SETBP1: variants seen among roughly 807,000 people sequenced by gnomAD.
SETBP1 encodes the protein SET binding protein 1.
In SETBP1, 9 loss-of-function variants were observed where a neutral mutation model predicts 101.0. The observed-to-expected ratio is 0.09, with a 90% CI of 0.05 to 0.16. The LOEUF is 0.16. Among genes scored for constraint, SETBP1 ranks in the 10% least tolerant of loss-of-function variants. The pLI is 1.00. For missense variants in SETBP1, 1,858 were observed against 2,033.8 expected, an observed-to-expected ratio of 0.91 and a Z score of 1.66; for synonymous variants, 818 against 788.5, an observed-to-expected ratio of 1.04 and a Z score of -0.63.
In SETBP1 at chr18:45,063,981, C is replaced by G; in HGVS notation, c.*283C>G. 5.9e-6 allele frequency: 2 copies of G among 339,750 alleles called. No homozygotes were observed. Among genetic ancestry groups the G allele is most frequent in the East Asian group, 6.1e-5 (1 of 16,430 alleles). The allele number at this position is 339,750 out of a possible 1,614,324, so 21.0% of individuals were successfully genotyped here. A position where few individuals can be genotyped will look rare whatever the true frequency, so the allele number is the denominator to read the frequency against. ...TCCTCCGCAGGCGAGCGGAAGGCCC[C>G]CAGGAGGAGCAGGCTGGTGGCACTC... On this transcript the variant is annotated 3_prime_UTR_variant, in exon 6 of 6. Coordinates refer to ENST00000649279, the MANE Select transcript of SETBP1 (RefSeq NM_015559.3).
At chr18:44,709,740 G>C (rs1426288927) in intron 2 of SETBP1, among the ~76,000 whole-genome samples, 2 of 152,012 alleles carry the variant, frequency 1.3e-5, no homozygotes, top group Non-Finnish European at 2.9e-5. Flanking sequence ...AATTATGTTA[G>C]CTGGGGGGCA....
intron 5 of SETBP1, among the ~76,000 whole-genome samples, chr18:45,043,080 T>C (rs778605921): frequency 3.3e-5 from 5 of 152,234 alleles, no homozygotes; most frequent in Non-Finnish European, 7.3e-5. Flanking sequence ...AATAATCATA[T>C]CAGATAATCC....
rs1198787256 is a variant in SETBP1, at chr18:44,868,698, GGACGGAAGGAAGGGAGGAAGGA to G, written c.487-531_487-510del. On this transcript the variant is annotated intron_variant, in intron 2 of 5. Transcript: ENST00000649279. The stretch of plus-strand genomic sequence containing the variant: ...AGAGAGAGAGAGAGAGAGAGAGAGA[GGACGGAAGGAAGGGAGGAAGGA>G]AGGAAGGAAGGAAGGAAGGAAGGAA... Among the ~76,000 whole-genome samples, 286 of 69,216 alleles carry G rather than the reference GGACGGAAGGAAGGGAGGAAGGA, an allele frequency of 4.1e-3. 16 individuals carry two copies. Among genetic ancestry groups the G allele is most frequent in the African/African-American group, 9.8e-3 (172 of 17,596 alleles). The allele number at this position is 69,216 out of a possible 152,430, so 45.4% of individuals were successfully genotyped here.
chr18:44,942,096 A>G (rs1483845021), intron 3 of SETBP1, among the ~76,000 whole-genome samples: 1 of 152,194 alleles, frequency 6.6e-6, no homozygotes, highest in Non-Finnish European at 1.5e-5. Flanking sequence ...TTATTGGCAG[A>G]TCAGCTTTAT....
chr18:44,742,193 A>T (rs1009567953), intron 2 of SETBP1, among the ~76,000 whole-genome samples: 2 of 152,220 alleles, frequency 1.3e-5, no homozygotes, highest in Non-Finnish European at 2.9e-5. Flanking sequence ...GTCTCCATTA[A>T]ATAGGTAAAC....
At chr18:44,981,241 C>T (rs561705512) in intron 4 of SETBP1, among the ~76,000 whole-genome samples, 4 of 152,278 alleles carry the variant, frequency 2.6e-5, no homozygotes, top group South Asian at 2.1e-4. Flanking sequence ...TCACTTGCCC[C>T]GACTCTCACC....
chr18:44,700,877 T>A (rs2069104145), intron 1 of SETBP1, among the ~76,000 whole-genome samples: 1 of 152,210 alleles, frequency 6.6e-6, no homozygotes, highest in Non-Finnish European at 1.5e-5. Flanking sequence ...GAAGCTTCAG[T>A]ATAAAGAAAC....
intron 3 of SETBP1, among the ~76,000 whole-genome samples, chr18:44,903,417 G>A (rs952932792): frequency 6.6e-5 from 10 of 152,032 alleles, no homozygotes; most frequent in African/African-American, 2.2e-4. Context: ...GATCCCTTTC[G>A]CTTATCAGCC....
At chr18:45,008,294 G>A (rs2072770932) in intron 4 of SETBP1, among the ~76,000 whole-genome samples, 1 of 152,108 alleles carries the variant, frequency 6.6e-6, no homozygotes, top group Admixed American at 6.5e-5. Context: ...GATCCTGAGG[G>A]GTCTGACCAG....
At chr18:44,849,496 G>T (rs1023719698) in intron 2 of SETBP1, among the ~76,000 whole-genome samples, 9 of 152,190 alleles carry the variant, frequency 5.9e-5, no homozygotes, top group African/African-American at 2.2e-4. Flanking sequence ...GCCCGGGATG[G>T]TTTCCCTATT....
At chr18:44,685,468 C>T (rs1365834097) in intron 1 of SETBP1, among the ~76,000 whole-genome samples, 1 of 152,170 alleles carries the variant, frequency 6.6e-6, no homozygotes, top group East Asian at 1.9e-4. Context: ...TGGTGGCCAA[C>T]CTGGGGCCAG....
intron 2 of SETBP1, among the ~76,000 whole-genome samples, chr18:44,733,545 CAT>C (rs2069886515): frequency 6.6e-6 from 1 of 152,206 alleles, no homozygotes; most frequent in East Asian, 1.9e-4. Flanking sequence ...TGCAAGTCCA[CAT>C]GACTCATGAG....
intron 5 of SETBP1, among the ~76,000 whole-genome samples, chr18:45,044,932 CT>C (rs1209777709): frequency 6.6e-6 from 1 of 152,178 alleles, no homozygotes; most frequent in Non-Finnish European, 1.5e-5. Flanking sequence ...TTTATCTCTT[CT>C]ACCAAACAAA....
At chr18:45,001,806 A>G (rs1358708161) in intron 4 of SETBP1, among the ~76,000 whole-genome samples, 1 of 152,154 alleles carries the variant, frequency 6.6e-6, no homozygotes, top group Non-Finnish European at 1.5e-5. Flanking sequence ...CCCTAAATCC[A>G]TGCTTTTTCC....
At chr18:44,739,415 C>T (rs959695861) in intron 2 of SETBP1, among the ~76,000 whole-genome samples, 2 of 152,260 alleles carry the variant, frequency 1.3e-5, no homozygotes, top group East Asian at 1.9e-4. Context: ...TGTGACTGCT[C>T]CTCCAAGCAC....
At chr18:44,736,824 A>G (rs1014972306) in intron 2 of SETBP1, among the ~76,000 whole-genome samples, 5 of 152,210 alleles carry the variant, frequency 3.3e-5, no homozygotes, top group African/African-American at 1.2e-4. Context: ...TTCTTTGGAA[A>G]AGAGGTATTG....
intron 3 of SETBP1, among the ~76,000 whole-genome samples, chr18:44,917,442 C>A (rs757132821): frequency 6.6e-6 from 1 of 152,138 alleles, no homozygotes; most frequent in Non-Finnish European, 1.5e-5. Context: ...TATGCTCCAG[C>A]TGTGATTTTA....
At chr18:44,763,949 T>A (rs12605672) in intron 2 of SETBP1, among the ~76,000 whole-genome samples, 12,305 of 152,222 alleles carry the variant, frequency 0.081, 557 homozygotes, top group East Asian at 0.14. Flanking sequence ...GCATTAAATA[T>A]CATTTACACA....
intron 2 of SETBP1, among the ~76,000 whole-genome samples, chr18:44,704,566 T>C (rs1482559935): frequency 6.6e-6 from 1 of 152,228 alleles, no homozygotes; most frequent in Non-Finnish European, 1.5e-5. Flanking sequence ...TCACTGAGTC[T>C]CAATTACTTG....
Sources: allele counts gnomAD v4.1 joint callset (sites outside exome capture counted in the v4.1 genomes callset), GRCh38; gene constraint gnomAD v4.1.1; transcripts MANE v1.5; gene names NCBI Gene and HGNC (gene_info 2026-07-23, HGNC 2026-07-21).